Variants in NREP observed in about 807,000 individuals in gnomAD.
The protein encoded by NREP is neuronal regeneration related protein, also known as neuronal regeneration-related protein.
In NREP, 5 loss-of-function variants were observed where a neutral mutation model predicts 8.6. The ratio of observed to expected loss-of-function variants is 0.58; its 90% CI spans 0.30 to 1.22. The LOEUF is 1.22. NREP is among the 50% of genes most tolerant of loss of function. NREP has a pLI of 0.07. For synonymous variants in NREP, 27 were observed against 28.0 expected, an observed-to-expected ratio of 0.96 and a Z score of 0.11; for missense variants, 86 against 82.5, an observed-to-expected ratio of 1.04 and a Z score of -0.17.
intron 2 of NREP, among the ~76,000 whole-genome samples, chr5:111,870,295 G>A (rs1196030706): frequency 1.2e-4 from 18 of 152,098 alleles, no homozygotes; most frequent in Non-Finnish European, 2.9e-5. Flanking sequence ...CAGGCGTGGT[G>A]GCACACACCT....
intron 2 of NREP, among the ~76,000 whole-genome samples, chr5:111,925,524 G>A (rs550985398): frequency 6.6e-6 from 1 of 152,294 alleles, no homozygotes; most frequent in East Asian, 1.9e-4. Flanking sequence ...GCTACCCTGA[G>A]GAGGTTCTCC....
At chr5:111,802,100 C>T (rs182061381) in intron 2 of NREP, among the ~76,000 whole-genome samples, 38 of 152,152 alleles carry the variant, frequency 2.5e-4, no homozygotes, top group Admixed American at 1.2e-3. Flanking sequence ...ATAGAGGTTT[C>T]GGCTGAATAC....
intron 2 of NREP, among the ~76,000 whole-genome samples, chr5:111,972,022 A>G (rs1222520690): frequency 6.6e-6 from 1 of 152,192 alleles, no homozygotes; most frequent in Admixed American, 6.5e-5. Context: ...TAAAAAATGT[A>G]TAAAAAACTC....
chr5:111,814,096 GT>G (rs1315773288), intron 2 of NREP, among the ~76,000 whole-genome samples: 7 of 151,900 alleles, frequency 4.6e-5, no homozygotes, highest in African/African-American at 1.2e-4. Context: ...AGTTTTCTTT[GT>G]TGCAGAAGTA....
At chr5:111,806,070 G>A (rs554080470) in intron 2 of NREP, among the ~76,000 whole-genome samples, 1 of 152,188 alleles carries the variant, frequency 6.6e-6, no homozygotes, top group Admixed American at 6.5e-5. Flanking sequence ...CTAGATGAAA[G>A]GTATATAAGT....
chr5:111,810,087 G>C (rs1349865473), intron 2 of NREP, among the ~76,000 whole-genome samples: 1 of 152,028 alleles, frequency 6.6e-6, no homozygotes, highest in Admixed American at 6.6e-5. Flanking sequence ...TAAATAATGA[G>C]AGAGATATAG....
At chr5:111,859,922 T>C (rs934589609) in intron 2 of NREP, among the ~76,000 whole-genome samples, 23 of 152,158 alleles carry the variant, frequency 1.5e-4, no homozygotes, top group African/African-American at 5.3e-4. Flanking sequence ...TCTCCATCAA[T>C]TTGATTTTAG....
chr5:111,852,994 T>C (rs1376471834), intron 2 of NREP, among the ~76,000 whole-genome samples: 1 of 152,148 alleles, frequency 6.6e-6, no homozygotes, highest in Non-Finnish European at 1.5e-5. Context: ...CAAAGGGACA[T>C]GCATGAGAGA....
At chr5:111,893,080 C>T (rs1388118281) in intron 2 of NREP, among the ~76,000 whole-genome samples, 4 of 152,160 alleles carry the variant, frequency 2.6e-5, no homozygotes, top group African/African-American at 4.8e-5. Context: ...CAGAAAAGTT[C>T]GCTTTGGTGT....
In NREP at chr5:111,729,897, T is replaced by G. The variant is rs1180278974; in HGVS notation, c.*1024A>C. On this transcript the variant is annotated 3_prime_UTR_variant, in exon 4 of 4. Coordinates refer to ENST00000257435, the MANE Select transcript of NREP (RefSeq NM_004772.4). ...TTTGGAAAAGGTGTCATTTTCATAT[T>G]CCCACTCAGATGCCAGTGTTTTGGG... 6.5e-6 allele frequency: 1 copy of G among 152,676 alleles called. No individual in the cohort carries two copies. Among genetic ancestry groups the G allele is most frequent in the Non-Finnish European group, 1.5e-5 (1 of 68,046 alleles). The allele number at this position is 152,676 out of a possible 1,614,324, so 9.5% of individuals were successfully genotyped here. A position where few individuals can be genotyped will look rare whatever the true frequency, so the allele number is the denominator to read the frequency against.
At chr5:111,930,375 GA>G (rs1180800012) in intron 2 of NREP, among the ~76,000 whole-genome samples, 1 of 152,134 alleles carries the variant, frequency 6.6e-6, no homozygotes, top group African/African-American at 2.4e-5. Flanking sequence ...TGGTTTCTTT[GA>G]AAGTGGCGAA....
intron 2 of NREP, among the ~76,000 whole-genome samples, chr5:111,736,838 C>T (rs1255377860): frequency 6.6e-6 from 1 of 152,128 alleles, no homozygotes; most frequent in African/African-American, 2.4e-5. Context: ...GGTCGACTTG[C>T]CCCAAGTCAC....
chr5:111,939,244 C>T (rs2112612935), intron 2 of NREP, among the ~76,000 whole-genome samples: 1 of 152,170 alleles, frequency 6.6e-6, no homozygotes, highest in African/African-American at 2.4e-5. Flanking sequence ...TTACTTCTCA[C>T]AGCAAACATC....
intron 2 of NREP, among the ~76,000 whole-genome samples, chr5:111,781,288 T>A (rs927400767): frequency 2.0e-5 from 3 of 152,168 alleles, no homozygotes; most frequent in Non-Finnish European, 4.4e-5. Context: ...TCTGTCTGGC[T>A]CTTTCTTGCT....
chr5:111,759,055 C>T (rs74740819), upstream of NREP, among the ~76,000 whole-genome samples: 4,114 of 152,318 alleles, frequency 0.027, 89 homozygotes, highest in African/African-American at 0.058. Flanking sequence ...TCCCTTGACC[C>T]TTTCAGGCCA....
At chr5:111,959,671 G>T (rs747087426) in intron 2 of NREP, among the ~76,000 whole-genome samples, 2 of 151,842 alleles carry the variant, frequency 1.3e-5, no homozygotes, top group South Asian at 2.1e-4. Context: ...AACAGTTAAA[G>T]AATTATGAAA....
intron 2 of NREP, among the ~76,000 whole-genome samples, chr5:111,877,713 T>A (rs1285623918): frequency 2.0e-5 from 3 of 152,256 alleles, no homozygotes; most frequent in Non-Finnish European, 2.9e-5. Context: ...GTTCCATTTA[T>A]CACTCTTGCT....
intron 2 of NREP, among the ~76,000 whole-genome samples, chr5:111,766,531 G>T (rs894823909): frequency 1.3e-5 from 2 of 152,210 alleles, no homozygotes; most frequent in Non-Finnish European, 2.9e-5. Context: ...GAAGGGAAGT[G>T]TAATGTTATT....
chr5:111,912,663 G>A (rs541813617), intron 2 of NREP: 3 of 152,168 alleles, frequency 2.0e-5, no homozygotes, highest in Admixed American at 6.6e-5. Context: ...ACTGAAGACA[G>A]GATCAAGATA....
Sources: allele counts gnomAD v4.1 joint callset (sites outside exome capture counted in the v4.1 genomes callset), GRCh38; gene constraint gnomAD v4.1.1; transcripts MANE v1.5; gene names NCBI Gene and HGNC (gene_info 2026-07-23, HGNC 2026-07-21).